Variants in TIPIN observed in about 807,000 individuals in gnomAD.
The protein encoded by TIPIN is TIMELESS-interacting protein.
TIPIN carries 29 observed loss-of-function variants against 35.6 expected under a neutral mutation model. That is an observed-to-expected ratio of 0.82 (90% CI 0.61 to 1.11). The LOEUF (loss-of-function observed/expected upper bound fraction) is 1.11. Ranked by LOEUF, TIPIN falls within the 50% of genes most tolerant of loss-of-function variation. TIPIN has a pLI of 0.00. For synonymous variants in TIPIN, 102 were observed against 121.5 expected (o/e 0.84, Z 1.06); for missense variants, 296 against 345.4 (o/e 0.86, Z 1.13).
At chr15:66,349,201 C>G in intron 5 of TIPIN, 78 bp from the exon 6 acceptor site, 3 of 1,596,760 alleles carry the variant, frequency 1.9e-6, no homozygotes, top group Non-Finnish European at 2.6e-6. Flanking sequence ...ATTACTTTTC[C>G]CTCTCTACCA....
intron 1 of TIPIN, among the ~76,000 whole-genome samples, chr15:66,375,701 A>T (rs1348813434): frequency 2.0e-5 from 3 of 150,638 alleles, no homozygotes; most frequent in African/African-American, 7.3e-5. Flanking sequence ...CAAAATGAAA[A>T]GGAAACTTAA....
At chr15:66,337,643 T>C (rs1245414101) in intron 7 of TIPIN, among the ~76,000 whole-genome samples, 2 of 151,598 alleles carry the variant, frequency 1.3e-5, no homozygotes, top group Non-Finnish European at 2.9e-5. Flanking sequence ...TTTTATACAA[T>C]TAAGATCCAT....
intron 1 of TIPIN, chr15:66,382,410 T>C (rs1269195746): frequency 3.1e-6 from 3 of 983,124 alleles, no homozygotes; most frequent in Non-Finnish European, 3.6e-6. Context: ...GTTGTCCTTG[T>C]ATTTCTTCTG....
intron 2 of TIPIN, 51 bp downstream of exon 2, chr15:66,352,764 A>T: frequency 2.6e-6 from 4 of 1,529,782 alleles, no homozygotes; most frequent in Non-Finnish European, 3.5e-6. Flanking sequence ...TACAGGCATG[A>T]GCCACCGTGC....
In TIPIN at chr15:66,349,440, G is replaced by T; in HGVS notation, c.289-3C>A. ...ATTAGCATCTTCAAGTCTTCAGCCTGCCACATAAAAATAAAAATGCTAAAC... is the reference window on the plus strand; with the variant it reads ...ATTAGCATCTTCAAGTCTTCAGCCTTCCACATAAAAATAAAAATGCTAAAC... On this transcript the variant is annotated splice_polypyrimidine_tract_variant and splice_region_variant and intron_variant, in intron 4 of 7. Coordinates refer to ENST00000261881, the MANE Select transcript of TIPIN (RefSeq NM_017858.3). The T allele has an allele frequency of 6.2e-7, 1 of 1,607,888 alleles. No individual in the cohort carries two copies. The highest frequency in any genetic ancestry group is 8.5e-7 in the Non-Finnish European group (1 of 1,178,514).
chr15:66,384,359 A>G (rs1305393616), intron 1 of TIPIN, among the ~76,000 whole-genome samples: 1 of 151,416 alleles, frequency 6.6e-6, no homozygotes, highest in African/African-American at 2.4e-5. Context: ...CAGTGGTGCA[A>G]TCTCGGCTCA....
At position 66,336,894 on chromosome 15, in the gene TIPIN, A is replaced by C; in HGVS notation, c.*64T>G. On this transcript the variant is annotated 3_prime_UTR_variant, in exon 8 of 8. Coordinates refer to ENST00000261881, the MANE Select transcript of TIPIN (RefSeq NM_017858.3). ...AGGATTTTCACTCCAAGAAGAAAAA[A>C]TACATAGTAACGCCAAGCTTGCAGG... 1 of 1,432,786 alleles carries C rather than the reference A, an allele frequency of 7.0e-7. No homozygotes were observed. The highest frequency in any genetic ancestry group is 9.6e-7 in the Non-Finnish European group (1 of 1,039,870). 88.8% of individuals were successfully genotyped at this position (1,432,786 alleles called of 1,614,324 possible). A position where few individuals can be genotyped will look rare whatever the true frequency, so the allele number is the denominator to read the frequency against.
chr15:66,358,703 C>T (rs1328020708), upstream of TIPIN, among the ~76,000 whole-genome samples: 1 of 152,126 alleles, frequency 6.6e-6, no homozygotes, highest in African/African-American at 2.4e-5. Context: ...AGGCGTGAGC[C>T]ACCGCACCCA....
At chr15:66,338,414 C>T (rs2093060521) in intron 7 of TIPIN, among the ~76,000 whole-genome samples, 1 of 152,198 alleles carries the variant, frequency 6.6e-6, no homozygotes, top group Non-Finnish European at 1.5e-5. Flanking sequence ...TAAATACCAA[C>T]TGCCAGGTAT....
rs117365248 is a variant in TIPIN, at chr15:66,368,208, G to A, written c.-8-15253C>T. 9.7e-3 allele frequency among the ~76,000 whole-genome samples: 1,483 copies of A among 152,118 alleles called. 53 individuals carry two copies. Among genetic ancestry groups the A allele is most frequent in the Admixed American group, 0.061 (936 of 15,254 alleles). On this transcript the variant is annotated intron_variant, in intron 1 of 7. Transcript: ENST00000562124. ...GACTATATACATCATGGGCATTATA[G>A]GAAATTGCTTTTTAAAAAAATAGTC...
At chr15:66,342,193 A>C (rs2093093103) in intron 6 of TIPIN, among the ~76,000 whole-genome samples, 1 of 62,472 alleles carries the variant, frequency 1.6e-5, no homozygotes, top group East Asian at 4.6e-4. Context: ...TCTCAAAAAA[A>C]AAAAAAAAAA....
chr15:66,373,927 T>C (rs2140493327), intron 1 of TIPIN, among the ~76,000 whole-genome samples: 1 of 152,226 alleles, frequency 6.6e-6, no homozygotes. Flanking sequence ...GGTCTTGAAC[T>C]CCTGGGCTCA....
At chr15:66,375,056 T>TAA (rs2093291388) in intron 1 of TIPIN, among the ~76,000 whole-genome samples, 1 of 152,126 alleles carries the variant, frequency 6.6e-6, no homozygotes. Context: ...TATCTCTTTT[T>TAA]GTGTTAATGC....
chr15:66,353,767 T>A (rs889270425), intron 1 of TIPIN, among the ~76,000 whole-genome samples: 9 of 152,176 alleles, frequency 5.9e-5, no homozygotes, highest in Admixed American at 4.6e-4. Context: ...CTCGAAAGAA[T>A]GTTTTTCAGT....
chr15:66,379,759 T>G (rs967316378), intron 1 of TIPIN: 1 of 1,605,696 alleles, frequency 6.2e-7, no homozygotes, highest in East Asian at 2.2e-5. Context: ...AGAGCCTCTT[T>G]TTTTTTCTTT....
intron 6 of TIPIN, among the ~76,000 whole-genome samples, chr15:66,346,475 C>A (rs2093126693): frequency 6.6e-6 from 1 of 152,070 alleles, no homozygotes. Flanking sequence ...CCTCTACCCC[C>A]AGGGACATGT....
intron 1 of TIPIN, among the ~76,000 whole-genome samples, chr15:66,385,513 G>A (rs1458864776): frequency 1.3e-5 from 2 of 150,794 alleles, no homozygotes; most frequent in South Asian, 2.1e-4. Flanking sequence ...TTTTTGAGAC[G>A]GGGTCTCACT....
intron 6 of TIPIN, among the ~76,000 whole-genome samples, chr15:66,345,461 C>T (rs1333864037): frequency 1.3e-5 from 2 of 151,968 alleles, no homozygotes; most frequent in African/African-American, 4.8e-5. Flanking sequence ...ACGCCTGTAA[C>T]TCTAGCACTT....
At chr15:66,376,597 T>G (rs2093297799) in intron 1 of TIPIN, among the ~76,000 whole-genome samples, 1 of 151,442 alleles carries the variant, frequency 6.6e-6, no homozygotes, top group African/African-American at 2.4e-5. Flanking sequence ...CCTGGCTAAT[T>G]TTTTGTATTT....
Sources: allele counts gnomAD v4.1 joint callset (sites outside exome capture counted in the v4.1 genomes callset), GRCh38; gene constraint gnomAD v4.1.1; transcripts MANE v1.5; gene names NCBI Gene and HGNC (gene_info 2026-07-23, HGNC 2026-07-21).